Variants in SF3B2 observed in about 807,000 individuals in gnomAD.
The protein encoded by SF3B2 is SAP 145.
SF3B2 carries 22 observed loss-of-function variants against 116.3 expected under a neutral mutation model. The ratio of observed to expected loss-of-function variants is 0.19; its 90% CI spans 0.14 to 0.27. The LOEUF is 0.27. SF3B2 is among the 10% of genes least tolerant of loss of function. The pLI is 1.00. For synonymous variants in SF3B2, 406 were observed against 421.6 expected, an observed-to-expected ratio of 0.96 and a Z score of 0.45; for missense variants, 767 against 1,151.4, an observed-to-expected ratio of 0.67 and a Z score of 4.83.
intron 7 of SF3B2, among the ~76,000 whole-genome samples, chr11:66,057,703 C>T (rs1283985301): frequency 6.6e-6 from 1 of 151,876 alleles, no homozygotes; most frequent in Non-Finnish European, 1.5e-5. Context: ...GGGCTGGGTG[C>T]GGTGGCTCAC....
At position 66,068,683 on chromosome 11, in the gene SF3B2, C is replaced by T. The variant is rs761297605; in HGVS notation, c.2626C>T (p.Arg876Trp). ...EHAAKQKQKK[R>W]KAQPQDSRGG... Reference sequence around the variant, plus strand: ...CTTTCTCCCTATACAGCAAAAAAAACGGAAAGCTCAGCCCCAGGACAGCCG... The same window carrying T: ...CTTTCTCCCTATACAGCAAAAAAAATGGAAAGCTCAGCCCCAGGACAGCCG... The change falls in exon 22 of 22, where the codon CGG (arginine) becomes TGG (tryptophan). Residue 876 changes from arginine to tryptophan, a missense_variant. This residue lies in a region of SF3B2 where 27 missense variants were observed against 28.0 expected (regional missense o/e 0.96). Coordinates refer to ENST00000322535, the MANE Select transcript of SF3B2 (RefSeq NM_006842.3). The T allele has an allele frequency of 2.5e-6, 4 of 1,613,896 alleles. No homozygotes were observed. The highest frequency in any genetic ancestry group is 1.7e-5 in the Admixed American group (1 of 59,992).
At chr11:66,060,385 C>G (rs1224858720) in intron 13 of SF3B2, among the ~76,000 whole-genome samples, 197 bp from the exon 14 acceptor site, 1 of 152,172 alleles carries the variant, frequency 6.6e-6, no homozygotes, top group Non-Finnish European at 1.5e-5. Flanking sequence ...ATATACACGG[C>G]TGAGGCTGAT....
Position 66,059,803 on chromosome 11 carries a change from G to A in SF3B2, c.1423G>A (p.Val475Met), listed in dbSNP as rs1434837215. The change falls in exon 13 of 22, where the codon GTG becomes ATG. Residue 475 changes from valine to methionine, a missense_variant. Coordinates refer to ENST00000322535, the MANE Select transcript of SF3B2 (RefSeq NM_006842.3). The surrounding 1 kb of genome is among the most constrained non-coding windows in gnomAD (Gnocchi z 5.0). ...CCAGCTGGTGGCTCGGCCCGATGTC[G>A]TGGAGATGCACGATGTGACAGCGCA... ...LKQLVARPDV[V>M]EMHDVTAQDP... The A allele has an allele frequency of 3.1e-6, 5 of 1,614,226 alleles. No individual in the cohort carries two copies. Among genetic ancestry groups the A allele is most frequent in the Admixed American group, 1.7e-5 (1 of 60,032 alleles).
At position 66,059,342 on chromosome 11, in the gene SF3B2, A is replaced by G. The variant is rs531885955; in HGVS notation, c.1320+4A>G. ...TGACAGCAGTGATGACGAGCAGGTC[A>G]GGCCCAGCCCTCCTGGTGGGAAGCA... On this transcript the variant is annotated splice_donor_region_variant and intron_variant, in intron 11 of 21. Coordinates refer to ENST00000322535, the MANE Select transcript of SF3B2 (RefSeq NM_006842.3). The surrounding 1 kb of genome is among the most constrained non-coding windows in gnomAD (Gnocchi z 5.0). 6.6e-5 allele frequency: 107 copies of G among 1,613,920 alleles called. No homozygotes were observed. In the South Asian group the frequency reaches 1.1e-3, roughly 17 times the overall value.
intron 21 of SF3B2, 142 bp downstream of exon 21, chr11:66,068,475 G>C: frequency 1.0e-6 from 1 of 996,388 alleles, no homozygotes; most frequent in East Asian, 2.6e-5. Flanking sequence ...GGAAGTCTTA[G>C]AAATCCTCCA....
intron 16 of SF3B2, 123 bp downstream of exon 16, chr11:66,062,121 A>T: frequency 2.7e-6 from 2 of 749,016 alleles, no homozygotes; most frequent in East Asian, 5.4e-5. Context: ...TATTTTATTG[A>T]CATAATATTT....
Position 66,059,817 on chromosome 11 carries a change from T to A in SF3B2, c.1437T>A (p.Asp479Glu). The part of the protein sequence containing the change: ...VARPDVVEMH[D>E]VTAQDPKLLV... ...GGCCCGATGTCGTGGAGATGCACGATGTGACAGCGCAGGACCCTAAGCTCT... is the reference window on the plus strand; with the variant it reads ...GGCCCGATGTCGTGGAGATGCACGAAGTGACAGCGCAGGACCCTAAGCTCT... Residue 479 changes from aspartate to glutamate, a missense_variant, in exon 13 of 22, where the codon GAT (aspartate) becomes GAA (glutamate). Physicochemically the swap from Asp to Glu is conservative, Grantham distance 45. Around this residue, in one of 4 missense-constraint regions of SF3B2, gnomAD observed 282 missense variants for 568.0 expected, o/e 0.50. Transcript: ENST00000322535. This position sits in a 1 kb window ranked among gnomAD's most constrained non-coding sequence, Gnocchi z 5.0. The A allele has an allele frequency of 6.2e-7, 1 of 1,614,224 alleles. No homozygotes were observed. The highest frequency in any genetic ancestry group is 1.1e-5 in the South Asian group (1 of 91,084).
intron 3 of SF3B2, 100 bp downstream of exon 3, chr11:66,053,204 A>G (rs1187393936): frequency 2.1e-5 from 23 of 1,080,702 alleles, no homozygotes; most frequent in African/African-American, 3.1e-5. Context: ...GAGATGTGAC[A>G]CCCTTGCACA....
Position 66,059,919 on chromosome 11 carries a change from C to A in SF3B2, c.1539C>A (p.Gly513=). 1 of 1,614,172 alleles carries A rather than the reference C, an allele frequency of 6.2e-7. No individual in the cohort carries two copies. The highest frequency in any genetic ancestry group is 1.1e-5 in the South Asian group (1 of 91,084). The change falls in exon 13 of 22, where the codon GGC becomes GGA. Residue 513 remains glycine (G), a synonymous_variant. Transcript: ENST00000322535. The surrounding 1 kb of genome is among the most constrained non-coding windows in gnomAD (Gnocchi z 5.0). ...HWCFKRKYLQ[G]KRGIEKPPFE... is the part of the protein sequence containing the mutation. The stretch of plus-strand genomic sequence containing the variant: ...GTTTTAAGCGCAAATACCTGCAGGG[C>A]AAACGGGGCATTGAGAAGCCCCCCT...
In SF3B2 at chr11:66,061,731, C is replaced by A; in HGVS notation, c.1825C>A (p.Leu609Met). 6.2e-7 allele frequency: 1 copy of A among 1,614,202 alleles called. No individual in the cohort carries two copies. The highest frequency in any genetic ancestry group is 8.5e-7 in the Non-Finnish European group (1 of 1,180,016). The change falls in exon 15 of 22, where the codon CTG becomes ATG. Residue 609 changes from leucine to methionine, a missense_variant. Leu to Met is a conservative substitution (Grantham distance 15). Transcript: ENST00000322535. ...TRLKEKKPGD[L>M]SDELRISLGM... is the part of the protein sequence containing the mutation. ...ACTGAAGGAGAAGAAGCCAGGAGAT[C>A]TGTCTGATGAGCTAAGGATTTCCTT... is the stretch of plus-strand genomic sequence containing the variant.
In SF3B2 at chr11:66,059,543, C is replaced by T; in HGVS notation, c.1349C>T (p.Ser450Phe). ...AAGAAGCCAGAAGCCCCCAAGCTGT[C>T]CAAGAAGAAGTTGCGCCGAATGAAC... ...QEKKPEAPKL[S>F]KKKLRRMNRF... The change falls in exon 12 of 22, where the codon TCC becomes TTC. Residue 450 changes from serine to phenylalanine, a missense_variant. This residue lies in a region of SF3B2 where 282 missense variants were observed against 568.0 expected (regional missense o/e 0.50). Coordinates refer to ENST00000322535, the MANE Select transcript of SF3B2 (RefSeq NM_006842.3). This position sits in a 1 kb window ranked among gnomAD's most constrained non-coding sequence, Gnocchi z 5.0. 1 of 1,614,032 alleles carries T rather than the reference C, an allele frequency of 6.2e-7. No homozygotes were observed. Among genetic ancestry groups the T allele is most frequent in the Non-Finnish European group, 8.5e-7 (1 of 1,180,006 alleles).
At chr11:66,062,654 C>T (rs1212828267) in intron 16 of SF3B2, among the ~76,000 whole-genome samples, 1 of 151,682 alleles carries the variant, frequency 6.6e-6, no homozygotes, top group Non-Finnish European at 1.5e-5. Flanking sequence ...AAATTTCTGC[C>T]CCTTAAGATA....
chr11:66,063,783 GCTGGCTGA>G, intron 19 of SF3B2, 54 bp downstream of exon 19: 1 of 1,403,104 alleles, frequency 7.1e-7, no homozygotes, highest in East Asian at 2.3e-5. Context: ...CCTTTGGCTG[GCTGGCTGA>G]CTGTTGTTCC....
chr11:66,064,767 A>C (rs1450154774), intron 19 of SF3B2: 7 of 152,164 alleles, frequency 4.6e-5, no homozygotes, highest in Admixed American at 4.6e-4. Context: ...GGATTGCTAG[A>C]TTCCAGGAAT....
chr11:66,054,193 A>T (rs1446037886), intron 3 of SF3B2, among the ~76,000 whole-genome samples: 3 of 150,520 alleles, frequency 2.0e-5, no homozygotes, highest in Non-Finnish European at 3.0e-5. Flanking sequence ...AAAAAAAAAA[A>T]GAGGCAGGGC....
Position 66,063,722 on chromosome 11 carries a change from A to G in SF3B2, c.2323A>G (p.Met775Val). ...ELRKKKIEEA[M>V]DGSETPQLFT... is the part of the protein sequence containing the mutation. ...GAGGAAGAAGAAGATTGAGGAGGCGATGGACGGGTAAGGGTACCAGACAGG... is the reference window on the plus strand; with the variant it reads ...GAGGAAGAAGAAGATTGAGGAGGCGGTGGACGGGTAAGGGTACCAGACAGG... The change falls in exon 19 of 22, where the codon ATG becomes GTG. Residue 775 changes from methionine to valine, a missense_variant. This residue lies in a region of SF3B2 where 282 missense variants were observed against 568.0 expected (regional missense o/e 0.50). Coordinates refer to ENST00000322535, the MANE Select transcript of SF3B2 (RefSeq NM_006842.3). 1 of 1,611,152 alleles carries G rather than the reference A, an allele frequency of 6.2e-7. No individual in the cohort carries two copies. Among genetic ancestry groups the G allele is most frequent in the Non-Finnish European group, 8.5e-7 (1 of 1,178,938 alleles).
In SF3B2 at chr11:66,059,116, C is replaced by T. The variant is rs1167536472; in HGVS notation, c.1182+71C>T. The T allele has an allele frequency of 6.2e-6, 10 of 1,605,862 alleles. No individual in the cohort carries two copies. Among genetic ancestry groups the T allele is most frequent in the African/African-American group, 2.7e-5 (2 of 74,508 alleles). ...GGGCTCAGAGGTGGGTGAGAGGCAGCGGTGAACAGGCATCTTTTAGTGCTG... is the reference window on the plus strand; with the variant it reads ...GGGCTCAGAGGTGGGTGAGAGGCAGTGGTGAACAGGCATCTTTTAGTGCTG... On this transcript the variant is annotated intron_variant, in intron 10 of 21. Transcript: ENST00000322535. This position sits in a 1 kb window ranked among gnomAD's most constrained non-coding sequence, Gnocchi z 5.0.
Position 66,062,008 on chromosome 11 carries a change from G to T in SF3B2, c.1977+10G>T. 1 of 1,596,716 alleles carries T rather than the reference G, an allele frequency of 6.3e-7. No homozygotes were observed. ...CTCGCCCATCCCTGAGGTGAGCATTGTCCTTTCGTTCATTCTTGGCCATTT... is the reference window on the plus strand; with the variant it reads ...CTCGCCCATCCCTGAGGTGAGCATTTTCCTTTCGTTCATTCTTGGCCATTT... On this transcript the variant is annotated intron_variant, in intron 16 of 21. Coordinates refer to ENST00000322535, the MANE Select transcript of SF3B2 (RefSeq NM_006842.3).
chr11:66,066,593 G>A (rs1314097854), intron 19 of SF3B2: 2 of 152,136 alleles, frequency 1.3e-5, no homozygotes. Context: ...CTTGTTTTGG[G>A]GTTCTTGAGG....
Sources: allele counts gnomAD v4.1 joint callset (sites outside exome capture counted in the v4.1 genomes callset), GRCh38; gene constraint gnomAD v4.1.1; regional missense constraint gnomAD v4.1.1; non-coding constraint Gnocchi (gnomAD v3.1); transcripts MANE v1.5; gene names NCBI Gene and HGNC (gene_info 2026-07-23, HGNC 2026-07-21).